The following PDXDC1 variants were observed in gnomAD, a reference collection of about 807,000 sequenced individuals.
PDXDC1 encodes pyridoxal-dependent decarboxylase domain-containing protein 1.
In PDXDC1, 42 loss-of-function variants were observed where a neutral mutation model predicts 100.1. The ratio of observed to expected loss-of-function variants is 0.42; its 90% CI spans 0.33 to 0.54. The LOEUF is 0.54. Among genes scored for constraint, PDXDC1 ranks in the 20% least tolerant of loss-of-function variants. The pLI, the probability that PDXDC1 is intolerant of heterozygous loss-of-function variation, is 0.10. For missense variants in PDXDC1, 636 were observed against 979.2 expected, an observed-to-expected ratio of 0.65 and a Z score of 4.68; for synonymous variants, 260 against 371.7, an observed-to-expected ratio of 0.70 and a Z score of 3.46.
intron 8 of PDXDC1, among the ~76,000 whole-genome samples, chr16:15,013,874 CAAAAAAA>C (rs58185654): frequency 0.012 from 1,607 of 135,962 alleles, no homozygotes; most frequent in Admixed American, 0.019. Flanking sequence ...GTCTCTGTCT[CAAAAAAA>C]AAAAAAAAAA....
intron 6 of PDXDC1, among the ~76,000 whole-genome samples, chr16:15,007,803 A>G (rs1318319722): frequency 6.6e-6 from 1 of 152,302 alleles, no homozygotes; most frequent in African/African-American, 2.4e-5. Flanking sequence ...TGCAGACACA[A>G]GGCTGTTTGG....
At chr16:15,079,488 T>C (rs2045605756) in intron 16 of PDXDC1, among the ~76,000 whole-genome samples, 1 of 152,232 alleles carries the variant, frequency 6.6e-6, no homozygotes, top group South Asian at 2.1e-4. Context: ...TGGATAACTA[T>C]GTATTTAACG....
chr16:15,012,815 A>G (rs1351123096), intron 8 of PDXDC1, among the ~76,000 whole-genome samples: 4 of 151,998 alleles, frequency 2.6e-5, no homozygotes, highest in Non-Finnish European at 4.4e-5. Flanking sequence ...TTGTGCTACC[A>G]TACCCCAGCC....
At chr16:15,016,960 T>C (rs1159682026) in intron 9 of PDXDC1, among the ~76,000 whole-genome samples, 160 bp from the exon 10 acceptor site, 2 of 152,298 alleles carry the variant, frequency 1.3e-5, no homozygotes, top group African/African-American at 4.8e-5. Context: ...TTTTCCTTCA[T>C]ATGTATAAAG....
intron 16 of PDXDC1, chr16:15,127,588 T>A: frequency 8.2e-6 from 11 of 1,346,310 alleles, no homozygotes; most frequent in South Asian, 2.5e-5. Context: ...CCTGGACACA[T>A]GCCCCGTGCT....
chr16:15,104,800 T>C, intron 16 of PDXDC1: 2 of 1,554,906 alleles, frequency 1.3e-6, no homozygotes, highest in Non-Finnish European at 1.7e-6. Flanking sequence ...CATATTCATT[T>C]GATGGACAAA....
the PDXDC1 span, among the ~76,000 whole-genome samples, chr16:15,146,196 G>T: frequency 1.3e-5 from 2 of 152,156 alleles, no homozygotes; most frequent in Non-Finnish European, 2.9e-5. Flanking sequence ...TCCAGCAGGA[G>T]GCCCTCACAG....
chr16:15,128,268 C>A (rs763512229), intron 16 of PDXDC1: 5 of 1,610,976 alleles, frequency 3.1e-6, no homozygotes, highest in East Asian at 4.5e-5. Context: ...CCAGGCTGTG[C>A]GGGGTGGCGA....
rs1346095604 is a variant in PDXDC1 at position 14,977,107 on chromosome 16, A to G, written c.21+1887A>G. On this transcript the variant is annotated intron_variant, in intron 1 of 22. Transcript: ENST00000396410. ...TGATAAAAGATCTTAAACTCTCTCA[A>G]TGAGGATCGCAAGAGGGACTGAAAT... Among the ~76,000 whole-genome samples, 10 of 152,380 alleles carry G rather than the reference A, an allele frequency of 6.6e-5. No homozygotes were observed. In the East Asian group the frequency reaches 1.4e-3, roughly 21 times the overall value.
chr16:15,144,582 G>C, the PDXDC1 span, among the ~76,000 whole-genome samples: 4 of 152,266 alleles, frequency 2.6e-5, no homozygotes, highest in African/African-American at 9.6e-5. Context: ...CGGACACGGG[G>C]TGTGAGACTA....
At chr16:15,033,950 A>G (rs2043230302) in intron 19 of PDXDC1, 1 of 441,194 alleles carries the variant, frequency 2.3e-6, no homozygotes, top group Admixed American at 3.6e-5. Flanking sequence ...ACTGCTCTGA[A>G]AGGAGAGAGA....
chr16:15,099,446 G>T (rs1438941453), intron 16 of PDXDC1, among the ~76,000 whole-genome samples: 3 of 145,936 alleles, frequency 2.1e-5, no homozygotes, highest in African/African-American at 2.5e-5. Flanking sequence ...AAAAAAAAAG[G>T]AGAAAAAGAA....
chr16:14,989,374 C>A (rs1426557579), intron 1 of PDXDC1: 1 of 1,610,662 alleles, frequency 6.2e-7, no homozygotes, highest in African/African-American at 1.3e-5. Flanking sequence ...GCGGCCACCA[C>A]CACCAGGTGC....
At chr16:14,981,500 G>C (rs1465596439) in intron 1 of PDXDC1, among the ~76,000 whole-genome samples, 1 of 152,276 alleles carries the variant, frequency 6.6e-6, no homozygotes, top group Non-Finnish European at 1.5e-5. Context: ...TTTTCTTTTT[G>C]TTCCAGAATA....
chr16:15,104,836 C>G, intron 16 of PDXDC1: 1 of 1,510,084 alleles, frequency 6.6e-7, no homozygotes, highest in Admixed American at 2.0e-5. Context: ...ACAGTCTGCA[C>G]CTTCTGTTGC....
At chr16:15,079,260 G>C (rs2151798218) in intron 16 of PDXDC1, among the ~76,000 whole-genome samples, 1 of 152,260 alleles carries the variant, frequency 6.6e-6, no homozygotes, top group African/African-American at 2.4e-5. Context: ...AATGTCACTA[G>C]AATCTACTAC....
intron 14 of PDXDC1, among the ~76,000 whole-genome samples, chr16:15,027,662 C>T (rs546612215): frequency 5.9e-5 from 9 of 152,412 alleles, no homozygotes; most frequent in African/African-American, 1.7e-4. Flanking sequence ...CCGCCTCGTC[C>T]CCGTGGTTGA....
At position 15,034,462 on chromosome 16, in the gene PDXDC1, G is replaced by T; in HGVS notation, c.1911G>T (p.Val637=). Residue 637 remains valine (V), a synonymous_variant, in exon 21 of 23, where the codon GTG becomes GTT. Transcript: ENST00000396410. ...ACTCTGGTCCTGTCTTGCAGGGGGT[G>T]TTGCGGCAGATCCCTGTAGTGGGCT... ...ASEERLLEEG[V]LRQIPVVGSV... 6.2e-7 allele frequency: 1 copy of T among 1,614,144 alleles called. No individual in the cohort carries two copies. Among genetic ancestry groups the T allele is most frequent in the Non-Finnish European group, 8.5e-7 (1 of 1,180,010 alleles).
At chr16:15,128,500 C>G in intron 16 of PDXDC1, 4 of 689,438 alleles carry the variant, frequency 5.8e-6, no homozygotes, top group South Asian at 5.0e-5. Flanking sequence ...GCCACACAGG[C>G]AGTCCCGGCT....
Sources: gnomAD v4.1 joint callset for allele counts (sites outside exome capture counted in the v4.1 genomes callset) on GRCh38, gnomAD v4.1.1 for gene constraint, MANE v1.5 for transcripts, NCBI Gene and HGNC (gene_info 2026-07-23, HGNC 2026-07-21) for gene names.